The following DZIP1 variants were observed in gnomAD, a reference collection of about 807,000 sequenced individuals.
The protein encoded by DZIP1 is DAZ interacting zinc finger protein 1.
A neutral mutation model predicts 107.6 loss-of-function variants in DZIP1; 97 were observed. The ratio of observed to expected loss-of-function variants is 0.90; its 90% confidence interval spans 0.77 to 1.07. The LOEUF is 1.07. Among genes scored for constraint, DZIP1 ranks in the 50% least tolerant of loss-of-function variants. The pLI, the probability that DZIP1 is intolerant of heterozygous loss-of-function variation, is 0.00. For missense variants in DZIP1, 1,035 were observed against 1,063.6 expected, an observed-to-expected ratio of 0.97 and a Z score of 0.37; for synonymous variants, 390 against 386.4, an observed-to-expected ratio of 1.01 and a Z score of -0.11.
At position 95,599,364 on chromosome 13, in the gene DZIP1, C is replaced by T. The variant is rs371893357; in HGVS notation, c.1537+1G>A. ...GTAAACCTGATCAAGCCCTTTGTTA[C>T]CTTTTTCTTCCTCTGAAAGTTCTTC... On this transcript the variant is annotated splice_donor_variant, in intron 15 of 22. Transcript: ENST00000376829. LOFTEE classifies it high-confidence loss of function. 2.5e-6 allele frequency: 4 copies of T among 1,613,178 alleles called. No homozygotes were observed. In the African/African-American group the frequency reaches 5.3e-5, roughly 22 times the overall value.
In DZIP1 at chr13:95,642,005, A is replaced by T; in HGVS notation, c.25T>A (p.Phe9Ile). The T allele has an allele frequency of 1.3e-6, 2 of 1,577,338 alleles. No homozygotes were observed. Among genetic ancestry groups the T allele is most frequent in the Non-Finnish European group, 1.7e-6 (2 of 1,166,942 alleles). MQAEAADWFSSMPFQKHVY... is the reference protein window; with the variant it reads MQAEAADWISSMPFQKHVY... ...CTCCCGCCTCTTACCATGCTTGAAA[A>T]CCAATCCGCTGCCTCAGCTTGCATA... Residue 9 changes from phenylalanine to isoleucine, a missense_variant, in exon 4 of 23, where the codon TTT (phenylalanine) becomes ATT (isoleucine). Transcript: ENST00000376829.
In DZIP1 at chr13:95,581,218, T is replaced by C. The variant is rs1298180803; in HGVS notation, c.*1016A>G. The C allele has an allele frequency of 1.3e-5, 2 of 152,634 alleles. No homozygotes were observed. Among genetic ancestry groups the C allele is most frequent in the Non-Finnish European group, 2.9e-5 (2 of 68,022 alleles). 9.5% of individuals were successfully genotyped at this position (152,634 alleles called of 1,614,324 possible). A position where few individuals can be genotyped will look rare whatever the true frequency, so the allele number is the denominator to read the frequency against. On this transcript the variant is annotated 3_prime_UTR_variant, in exon 23 of 23. Coordinates refer to ENST00000376829, the MANE Select transcript of DZIP1 (RefSeq NM_198968.4). Reference sequence around the variant, plus strand: ...GGTTACTTGGAAACAGAATATAGTATAACCAAGTTATAAAAATGCAAAAAA... The same window carrying C: ...GGTTACTTGGAAACAGAATATAGTACAACCAAGTTATAAAAATGCAAAAAA...
chr13:95,588,919 T>C (rs2044236573), intron 19 of DZIP1, among the ~76,000 whole-genome samples: 1 of 152,180 alleles, frequency 6.6e-6, no homozygotes, highest in Non-Finnish European at 1.5e-5. Context: ...TAAGAATGAC[T>C]CAGGTGTCTT....
In DZIP1 at chr13:95,598,341, G is replaced by A. The variant is rs181020805; in HGVS notation, c.1537+1024C>T. On this transcript the variant is annotated intron_variant, in intron 15 of 22. Coordinates refer to ENST00000376829, the MANE Select transcript of DZIP1 (RefSeq NM_198968.4). ...TCAAGACAAATTACAAAGATACATGGAAGCAAAATAAACAAACCCTATAAA... is the reference window on the plus strand; with the variant it reads ...TCAAGACAAATTACAAAGATACATGAAAGCAAAATAAACAAACCCTATAAA... 8.3e-4 allele frequency among the ~76,000 whole-genome samples: 127 copies of A among 152,182 alleles called. 3 individuals carry two copies. The highest frequency in any genetic ancestry group is 6.6e-3 in the Admixed American group (101 of 15,284).
intron 9 of DZIP1, 119 bp from the exon 10 acceptor site, chr13:95,620,066 G>T: frequency 9.2e-7 from 1 of 1,088,796 alleles, no homozygotes; most frequent in Non-Finnish European, 1.3e-6. Context: ...TAAAATTTTA[G>T]CTAGTGAAAC....
chr13:95,594,168 C>T (rs1330103766), intron 15 of DZIP1, 82 bp from the exon 16 acceptor site: 2 of 1,162,622 alleles, frequency 1.7e-6, no homozygotes, highest in South Asian at 1.6e-5. Context: ...TGGCAAACCA[C>T]AGCTTTTAAG....
rs149427250 is a variant in DZIP1 at position 95,587,635 on chromosome 13, T to G, written c.2122A>C (p.Asn708His). ...GTGTTCTTCCCGAAGCTGCCCTTGT[T>G]TTGTGGTGGCGGCACAGGAAGTGGG... ...PGPLPVPPPQ[N>H]KGSFGKNTVK... The change falls in exon 20 of 23, where the codon AAC becomes CAC. Residue 708 changes from asparagine to histidine, a missense_variant. Coordinates refer to ENST00000376829, the MANE Select transcript of DZIP1 (RefSeq NM_198968.4). 2,508 of 1,614,068 alleles carry G rather than the reference T, an allele frequency of 1.6e-3. 5 individuals carry two copies. The highest frequency in any genetic ancestry group is 1.3e-3 in the Admixed American group (76 of 60,026).
Position 95,608,292 on chromosome 13 carries a change from C to T in DZIP1, c.1420+1165G>A, listed in dbSNP as rs916853344. Among the ~76,000 whole-genome samples, 4 of 151,920 alleles carry T rather than the reference C, an allele frequency of 2.6e-5. No homozygotes were observed. The East Asian group carries it at 5.8e-4, about 22-fold the overall frequency. ...AATGAATTTTATATATACTATAATA[C>T]AAATGTGTACATTTTAAAACAAAAA... On this transcript the variant is annotated intron_variant, in intron 13 of 22. Coordinates refer to ENST00000376829, the MANE Select transcript of DZIP1 (RefSeq NM_198968.4).
In DZIP1 at chr13:95,642,201, G is replaced by C; in HGVS notation, c.-172C>G. The C allele has an allele frequency of 8.5e-6, 7 of 821,344 alleles. No individual in the cohort carries two copies. The highest frequency in any genetic ancestry group is 1.1e-5 in the Non-Finnish European group (6 of 563,842). 50.9% of individuals were successfully genotyped at this position (821,344 alleles called of 1,614,324 possible). ...CGCCCAGGTCCGGACCTGGAGCAAAGGGCGCGTCTGCCCGCGCAGGGTCAG... is the reference window on the plus strand; with the variant it reads ...CGCCCAGGTCCGGACCTGGAGCAAACGGCGCGTCTGCCCGCGCAGGGTCAG... On this transcript the variant is annotated 5_prime_UTR_variant, in exon 4 of 23. Coordinates refer to ENST00000376829, the MANE Select transcript of DZIP1 (RefSeq NM_198968.4).
At chr13:95,607,694 T>C (rs1017044013) in intron 13 of DZIP1, among the ~76,000 whole-genome samples, 1 of 152,162 alleles carries the variant, frequency 6.6e-6, no homozygotes, top group Non-Finnish European at 1.5e-5. Flanking sequence ...AAATACAGAA[T>C]ACTAACTATT....
chr13:95,607,061 T>A (rs113913168), intron 13 of DZIP1, among the ~76,000 whole-genome samples: 2,276 of 151,962 alleles, frequency 0.015, 28 homozygotes, highest in Middle Eastern at 0.017. Context: ...TATTTTTTTT[T>A]AAAAAACACA....
At chr13:95,599,298 T>C in intron 15 of DZIP1, 67 bp downstream of exon 15, 1 of 1,410,918 alleles carries the variant, frequency 7.1e-7, no homozygotes, top group Non-Finnish European at 1.0e-6. Flanking sequence ...GGCTCATATT[T>C]TCCAGGCCTA....
At chr13:95,601,531 T>C (rs2044616933) in intron 14 of DZIP1, among the ~76,000 whole-genome samples, 1 of 152,170 alleles carries the variant, frequency 6.6e-6, no homozygotes, top group Admixed American at 6.5e-5. Context: ...TGGCTGGACT[T>C]CATCGTGCCT....
In DZIP1 at chr13:95,641,232, C is replaced by T; in HGVS notation, c.597+63G>A. The T allele has an allele frequency of 6.6e-7, 1 of 1,517,320 alleles. No homozygotes were observed. The highest frequency in any genetic ancestry group is 8.9e-7 in the Non-Finnish European group (1 of 1,129,630). The allele number at this position is 1,517,320 out of a possible 1,614,324, so 94.0% of individuals were successfully genotyped here. A position where few individuals can be genotyped will look rare whatever the true frequency, so the allele number is the denominator to read the frequency against. On this transcript the variant is annotated intron_variant, in intron 5 of 22. Transcript: ENST00000376829. This position sits in a 1 kb window ranked among gnomAD's most constrained non-coding sequence, Gnocchi z 4.3. ...AGAAAGAGTGGTGATACGGGACAGG[C>T]CTATCAAATGGGAACTGAGTTGTTT...
chr13:95,592,204 C>A (rs1050362951), intron 16 of DZIP1, among the ~76,000 whole-genome samples: 1 of 151,828 alleles, frequency 6.6e-6, no homozygotes, highest in Admixed American at 6.6e-5. Flanking sequence ...CCCAGATAGA[C>A]AAAAACAAAA....
chr13:95,611,343 C>T lies in DZIP1; in HGVS notation c.1363+102G>A, dbSNP rs79375344. On this transcript the variant is annotated intron_variant, in intron 12 of 22. Transcript: ENST00000376829. Reference sequence around the variant, plus strand: ...CGAAATCAATACAACAAGAAGAATGCCATCTTAGCACACATAAACAAGTGG... The same window carrying T: ...CGAAATCAATACAACAAGAAGAATGTCATCTTAGCACACATAAACAAGTGG... 1.3e-3 allele frequency: 1,023 copies of T among 813,218 alleles called. 19 individuals carry two copies. The East Asian group carries it at 0.021, about 17-fold the overall frequency. The allele number at this position is 813,218 out of a possible 1,614,324, so 50.4% of individuals were successfully genotyped here.
Position 95,582,351 on chromosome 13 carries a change from A to C in DZIP1, c.2525-38T>G, listed in dbSNP as rs376258950. 2.0e-6 allele frequency: 3 copies of C among 1,505,992 alleles called. No homozygotes were observed. The East Asian group carries it at 6.8e-5, about 34-fold the overall frequency. The allele number at this position is 1,505,992 out of a possible 1,614,324, so 93.3% of individuals were successfully genotyped here. On this transcript the variant is annotated intron_variant, in intron 22 of 22. Coordinates refer to ENST00000376829, the MANE Select transcript of DZIP1 (RefSeq NM_198968.4). Reference sequence around the variant, plus strand: ...GGTAGAGGCAGAAGAGAAGGCCTCAATGGTTAAACAAGCACATTGTCAAGT... The same window carrying C: ...GGTAGAGGCAGAAGAGAAGGCCTCACTGGTTAAACAAGCACATTGTCAAGT...
At position 95,629,978 on chromosome 13, in the gene DZIP1, C is replaced by A. The variant is rs1421274168; in HGVS notation, c.810+11G>T. On this transcript the variant is annotated intron_variant, in intron 7 of 22. Coordinates refer to ENST00000376829, the MANE Select transcript of DZIP1 (RefSeq NM_198968.4). ...ATTGTAATTAAAATACCACAGAATT[C>A]TGCCTGGTACCTTGGAGAATCTGAC... 1.3e-5 allele frequency: 21 copies of A among 1,583,696 alleles called. No homozygotes were observed. The highest frequency in any genetic ancestry group is 1.5e-5 in the Non-Finnish European group (18 of 1,168,248).
intron 7 of DZIP1, 56 bp from the exon 8 acceptor site, chr13:95,624,985 T>A: frequency 6.9e-7 from 1 of 1,449,280 alleles, no homozygotes; most frequent in Non-Finnish European, 9.3e-7. Flanking sequence ...AAATAAGCAA[T>A]ATTTAAAATA....
Sources: gnomAD v4.1 joint callset for allele counts (sites outside exome capture counted in the v4.1 genomes callset) on GRCh38, gnomAD v4.1.1 for gene constraint, Gnocchi (gnomAD v3.1) non-coding constraint, MANE v1.5 for transcripts, NCBI Gene and HGNC (gene_info 2026-07-23, HGNC 2026-07-21) for gene names.